FSTL5: variants seen among roughly 807,000 people sequenced by gnomAD.
FSTL5 encodes follistatin-related protein 5.
In FSTL5, 62 loss-of-function variants were observed where a neutral mutation model predicts 89.1. The observed-to-expected ratio is 0.70, with a 90% CI of 0.57 to 0.86. The LOEUF (loss-of-function observed/expected upper bound fraction) is 0.86. Ranked by LOEUF, FSTL5 falls within the 40% of genes least tolerant of loss-of-function variation. The probability of loss-of-function intolerance (pLI) is 0.00; values close to 1 mark genes in which losing one functional copy is unlikely to be tolerated. For missense variants in FSTL5, 1,057 were observed against 1,001.6 expected (o/e 1.06, Z -0.75); for synonymous variants, 383 against 346.2 (o/e 1.11, Z -1.18).
intron 6 of FSTL5, among the ~76,000 whole-genome samples, chr4:161,683,647 ATGTG>A (rs1222985306): frequency 6.6e-6 from 1 of 152,204 alleles, no homozygotes. Flanking sequence ...TGCTAAATGT[ATGTG>A]TGTGAGTATA....
intron 5 of FSTL5, among the ~76,000 whole-genome samples, chr4:161,763,224 A>G (rs1438521247): frequency 2.6e-5 from 4 of 152,194 alleles, no homozygotes; most frequent in Non-Finnish European, 4.4e-5. Flanking sequence ...AAGATAGACA[A>G]AAATCTTTCC....
At chr4:161,792,299 G>T (rs574517458) in intron 4 of FSTL5, among the ~76,000 whole-genome samples, 42 of 152,238 alleles carry the variant, frequency 2.8e-4, no homozygotes, top group Middle Eastern at 3.4e-3. Flanking sequence ...TGGGAGGGAT[G>T]GGGGGTTGAG....
At chr4:161,722,281 T>A (rs1421702050) in intron 6 of FSTL5, among the ~76,000 whole-genome samples, 1 of 152,196 alleles carries the variant, frequency 6.6e-6, no homozygotes, top group Non-Finnish European at 1.5e-5. Context: ...CTCTTACATC[T>A]ATTTGTTTTA....
intron 14 of FSTL5, among the ~76,000 whole-genome samples, chr4:161,457,993 G>A (rs190792630): frequency 1.3e-5 from 2 of 152,186 alleles, no homozygotes; most frequent in South Asian, 4.1e-4. Context: ...CCATACCTCA[G>A]CTGGTCTTGT....
At chr4:162,061,309 A>T (rs893507544) in intron 2 of FSTL5, among the ~76,000 whole-genome samples, 8 of 152,128 alleles carry the variant, frequency 5.3e-5, no homozygotes, top group African/African-American at 1.9e-4. Context: ...AGACAAAGGG[A>T]ATGCTGAATC....
intron 7 of FSTL5, among the ~76,000 whole-genome samples, chr4:161,603,256 C>T (rs28506479): frequency 0.19 from 29,377 of 152,030 alleles, 3,007 homozygotes; most frequent in East Asian, 0.35. Flanking sequence ...GAGACCCACA[C>T]AATTTGTTTT....
chr4:161,468,433 A>G (rs1163716011), intron 13 of FSTL5, among the ~76,000 whole-genome samples: 2 of 152,064 alleles, frequency 1.3e-5, no homozygotes, highest in African/African-American at 4.8e-5. Context: ...AGTGACTATT[A>G]GAAAAACCTG....
intron 15 of FSTL5, among the ~76,000 whole-genome samples, chr4:161,411,827 C>G (rs192906465): frequency 6.6e-6 from 1 of 152,162 alleles, no homozygotes; most frequent in East Asian, 1.9e-4. Context: ...TACTAGAAGT[C>G]CTAGCCAGAG....
intron 7 of FSTL5, among the ~76,000 whole-genome samples, chr4:161,596,156 T>C (rs1257030755): frequency 1.3e-5 from 2 of 151,938 alleles, no homozygotes; most frequent in Non-Finnish European, 2.9e-5. Flanking sequence ...CTAGAAACTA[T>C]GGATTTTTCT....
intron 10 of FSTL5, among the ~76,000 whole-genome samples, chr4:161,520,920 GA>G (rs1391251553): frequency 6.6e-6 from 1 of 152,212 alleles, no homozygotes; most frequent in Non-Finnish European, 1.5e-5. Context: ...TCATCCTGTT[GA>G]ATTGGAATAT....
intron 5 of FSTL5, among the ~76,000 whole-genome samples, chr4:161,773,547 C>A (rs777805925): frequency 3.9e-5 from 6 of 152,026 alleles, no homozygotes; most frequent in Non-Finnish European, 8.8e-5. Flanking sequence ...CATTAATAGA[C>A]AATTCTCAAA....
chr4:161,547,764 G>A (rs1037377543), intron 8 of FSTL5, among the ~76,000 whole-genome samples: 2 of 151,658 alleles, frequency 1.3e-5, no homozygotes, highest in Non-Finnish European at 2.9e-5. Flanking sequence ...GTATGATAAG[G>A]GTTATCTTAA....
At chr4:161,958,779 C>A (rs1267419626) in intron 3 of FSTL5, among the ~76,000 whole-genome samples, 16 of 152,094 alleles carry the variant, frequency 1.1e-4, no homozygotes, top group Admixed American at 1.1e-3. Flanking sequence ...TAGATCAAAT[C>A]CTGCAGAGGA....
intron 7 of FSTL5, among the ~76,000 whole-genome samples, chr4:161,604,405 AT>A (rs1311188608): frequency 6.6e-6 from 1 of 152,202 alleles, no homozygotes; most frequent in Non-Finnish European, 1.5e-5. Flanking sequence ...ATAAAAATAA[AT>A]GATTAACTAA....
chr4:161,420,231 G>A (rs1386598737), intron 15 of FSTL5, among the ~76,000 whole-genome samples: 1 of 152,222 alleles, frequency 6.6e-6, no homozygotes, highest in Non-Finnish European at 1.5e-5. Flanking sequence ...ACCAGCTAAG[G>A]TGCTTACTGA....
At chr4:161,638,143 G>T (rs1735797145) in intron 7 of FSTL5, among the ~76,000 whole-genome samples, 1 of 150,884 alleles carries the variant, frequency 6.6e-6, no homozygotes, top group African/African-American at 2.4e-5. Flanking sequence ...ATTTCCTTGA[G>T]CAGTGGTTTG....
At chr4:161,573,668 G>A (rs1733106438) in intron 8 of FSTL5, among the ~76,000 whole-genome samples, 1 of 135,342 alleles carries the variant, frequency 7.4e-6, no homozygotes, top group Non-Finnish European at 1.5e-5. Flanking sequence ...AGGAGGAGGA[G>A]GTTGTGGTGA....
At chr4:162,057,395 A>T (rs1430114690) in intron 2 of FSTL5, among the ~76,000 whole-genome samples, 2 of 152,214 alleles carry the variant, frequency 1.3e-5, no homozygotes, top group Non-Finnish European at 2.9e-5. Context: ...ACAGTGTCTA[A>T]GGATAACTTA....
At chr4:162,087,952 T>A (rs1730388440) in intron 2 of FSTL5, among the ~76,000 whole-genome samples, 1 of 152,172 alleles carries the variant, frequency 6.6e-6, no homozygotes, top group Admixed American at 6.5e-5. Context: ...TGGATTATGA[T>A]ACACTTTATC....
Sources: allele counts gnomAD v4.1 joint callset (sites outside exome capture counted in the v4.1 genomes callset), GRCh38; gene constraint gnomAD v4.1.1; transcripts MANE v1.5; gene names NCBI Gene and HGNC (gene_info 2026-07-23, HGNC 2026-07-21).